The following RIMBP2 variants were observed in gnomAD, a reference collection of about 807,000 sequenced individuals.
The protein encoded by RIMBP2 is RIMS binding protein 2.
Under a neutral mutation model 118.6 loss-of-function variants are expected in RIMBP2, and 48 were observed. The observed-to-expected ratio is 0.40, with a 90% CI of 0.32 to 0.51. The LOEUF (loss-of-function observed/expected upper bound fraction) is 0.51. Among genes scored for constraint, RIMBP2 ranks in the 20% least tolerant of loss-of-function variants. The pLI, the probability that RIMBP2 is intolerant of heterozygous loss-of-function variation, is 0.41. For missense variants in RIMBP2, 1,551 were observed against 1,768.3 expected (o/e 0.88, Z 2.20); for synonymous variants, 762 against 742.9 (o/e 1.03, Z -0.42).
chr12:130,656,410 C>T (rs1447853059), intron 1 of RIMBP2, among the ~76,000 whole-genome samples: 1 of 152,184 alleles, frequency 6.6e-6, no homozygotes, highest in Non-Finnish European at 1.5e-5. Context: ...TTTCATGTCC[C>T]CTCTCCTGGG....
At chr12:130,493,117 G>C (rs1374871812) in intron 4 of RIMBP2, among the ~76,000 whole-genome samples, 1 of 152,020 alleles carries the variant, frequency 6.6e-6, no homozygotes, top group Non-Finnish European at 1.5e-5. Context: ...GCCTGGGTGA[G>C]AGAGTGAGAT....
chr12:130,536,290 C>T (rs2054079014), intron 2 of RIMBP2, among the ~76,000 whole-genome samples: 3 of 152,044 alleles, frequency 2.0e-5, no homozygotes, highest in African/African-American at 7.2e-5. Context: ...CCTGGTTATC[C>T]CTGGCCTCCT....
chr12:130,431,075 T>G lies in RIMBP2; in HGVS notation c.2254-2738A>C, dbSNP rs147972430. Among the ~76,000 whole-genome samples, 1,616 of 152,350 alleles carry G rather than the reference T, an allele frequency of 0.011. 29 individuals are homozygous for G. Among genetic ancestry groups the G allele is most frequent in the African/African-American group, 0.037 (1,532 of 41,568 alleles). ...TTGGTACAGTGAGCATTTCTCATTGTGGACTTAATGAAAATGCTTTTGTAA... is the reference window on the plus strand; with the variant it reads ...TTGGTACAGTGAGCATTTCTCATTGGGGACTTAATGAAAATGCTTTTGTAA... On this transcript the variant is annotated intron_variant, in intron 14 of 22. Transcript: ENST00000690449. The surrounding 1 kb of genome is among the most constrained non-coding windows in gnomAD (Gnocchi z 4.0).
intron 2 of RIMBP2, among the ~76,000 whole-genome samples, chr12:130,561,024 C>G (rs2056780631): frequency 6.6e-6 from 1 of 152,184 alleles, no homozygotes; most frequent in South Asian, 2.1e-4. Flanking sequence ...TGTGAGCACA[C>G]AGAGACAGAT....
In RIMBP2 at chr12:130,620,992, C is replaced by T. The variant is rs529461823; in HGVS notation, c.-217+7330G>A. On this transcript the variant is annotated intron_variant, in intron 2 of 22. Coordinates refer to ENST00000690449, the MANE Select transcript of RIMBP2 (RefSeq NM_001393629.1). This position sits in a 1 kb window ranked among gnomAD's most constrained non-coding sequence, Gnocchi z 5.3. ...TTGGCATGGTTACATTAGCCATGGGCGGGCGAGCAACCTGCCTTGAGATCT... is the reference window on the plus strand; with the variant it reads ...TTGGCATGGTTACATTAGCCATGGGTGGGCGAGCAACCTGCCTTGAGATCT... 5.1e-4 allele frequency among the ~76,000 whole-genome samples: 78 copies of T among 152,252 alleles called. No homozygotes were observed. Among genetic ancestry groups the T allele is most frequent in the East Asian group, 1.9e-3 (10 of 5,158 alleles).
chr12:130,688,742 C>A lies in RIMBP2; in HGVS notation c.-352+27480G>T, dbSNP rs552279409. ...CCCAAAACAGAGGCCACATGGCCCC[C>A]TTGGGGCTCATACAGAGACACAGAA... is the stretch of plus-strand genomic sequence containing the variant. On this transcript the variant is annotated intron_variant, in intron 1 of 22. Transcript: ENST00000690449. This position sits in a 1 kb window ranked among gnomAD's most constrained non-coding sequence, Gnocchi z 4.7. Among the ~76,000 whole-genome samples the A allele has an allele frequency of 6.6e-6, 1 of 152,210 alleles. No individual in the cohort carries two copies. The highest frequency in any genetic ancestry group is 1.5e-5 in the Non-Finnish European group (1 of 68,036).
chr12:130,664,465 A>ACACACACATGCACACACACACACACATG (rs74195662), intron 1 of RIMBP2, among the ~76,000 whole-genome samples: 1 of 122,634 alleles, frequency 8.2e-6, no homozygotes, highest in Non-Finnish European at 1.8e-5. Flanking sequence ...ATGCACGCAC[A>ACACACACATGCACACACACACACACATG]CACACGCACG....
intron 4 of RIMBP2, among the ~76,000 whole-genome samples, chr12:130,495,455 AG>A (rs2049059335): frequency 6.6e-6 from 1 of 152,172 alleles, no homozygotes; most frequent in South Asian, 2.1e-4. Context: ...AGACATGTGC[AG>A]GGTGCCCTGC....
At chr12:130,613,953 G>A (rs935649794) in intron 2 of RIMBP2, among the ~76,000 whole-genome samples, 1 of 152,174 alleles carries the variant, frequency 6.6e-6, no homozygotes, top group Non-Finnish European at 1.5e-5. Flanking sequence ...AGAGAGGGAG[G>A]GAGGCAGGTC....
At chr12:130,439,333 A>G (rs546899725) in intron 11 of RIMBP2, among the ~76,000 whole-genome samples, 82 of 144,468 alleles carry the variant, frequency 5.7e-4, no homozygotes, top group Non-Finnish European at 1.1e-3. Flanking sequence ...GTGTAAGTGT[A>G]TGTATGTGTG....
intron 2 of RIMBP2, among the ~76,000 whole-genome samples, chr12:130,542,334 C>T (rs929752058): frequency 6.6e-6 from 1 of 152,150 alleles, no homozygotes; most frequent in African/African-American, 2.4e-5. Context: ...AGGACCCCTA[C>T]ATATGCACAT....
At chr12:130,662,380 G>A (rs1381834510) in intron 1 of RIMBP2, among the ~76,000 whole-genome samples, 1 of 152,126 alleles carries the variant, frequency 6.6e-6, no homozygotes, top group Non-Finnish European at 1.5e-5. Context: ...TCTGGAGGCG[G>A]AGCGCGGTGG....
chr12:130,442,598 T>G lies in RIMBP2; in HGVS notation c.754A>C (p.Asn252His), dbSNP rs748466131. 1 of 1,614,186 alleles carries G rather than the reference T, an allele frequency of 6.2e-7. No individual in the cohort carries two copies. The highest frequency in any genetic ancestry group is 8.5e-7 in the Non-Finnish European group (1 of 1,180,014). ...PSNFVDFVQD[N>H]ESRLASTLGN... Reference sequence around the variant, plus strand: ...AGCGTGCTTGCCAACCGCGACTCGTTGTCCTGCACAAAGTCCACGAAGTTG... The same window carrying G: ...AGCGTGCTTGCCAACCGCGACTCGTGGTCCTGCACAAAGTCCACGAAGTTG... The change falls in exon 11 of 23, where the codon AAC becomes CAC. Residue 252 changes from asparagine to histidine, a missense_variant. By Grantham distance (68) the Asn-to-His change is moderately conservative (BLOSUM62 1). Transcript: ENST00000690449. This position sits in a 1 kb window ranked among gnomAD's most constrained non-coding sequence, Gnocchi z 6.9.
Position 130,456,663 on chromosome 12 carries a change from T to C in RIMBP2, c.191A>G (p.Gln64Arg), listed in dbSNP as rs767260129. The change falls in exon 7 of 23, where the codon CAA becomes CGA. Residue 64 changes from glutamine (Q) to arginine (R), a missense_variant. By Grantham distance (43) the Gln-to-Arg change is conservative. This residue lies in a region of RIMBP2 where 239 missense variants were observed against 256.8 expected (regional missense o/e 0.93). Transcript: ENST00000690449. ...GGACAGCAGGTTGAACTGCTCACTT[T>C]GAGTCCGGCATTTCTCTTCCAGCTC... Reference protein sequence around the residue: ...VRELEEKCRTQSEQFNLLSRD... With the variant: ...VRELEEKCRTRSEQFNLLSRD... 1 of 1,610,510 alleles carries C rather than the reference T, an allele frequency of 6.2e-7. No individual in the cohort carries two copies. The highest frequency in any genetic ancestry group is 8.5e-7 in the Non-Finnish European group (1 of 1,177,504).
At chr12:130,509,904 A>G (rs993516684) in intron 3 of RIMBP2, among the ~76,000 whole-genome samples, 2 of 152,224 alleles carry the variant, frequency 1.3e-5, no homozygotes, top group Admixed American at 6.5e-5. Flanking sequence ...GGCTCCCTAC[A>G]TAAGGAGTTT....
rs1427738879 is a variant in RIMBP2, at chr12:130,523,930, T to C, written c.-216-6013A>G. ...CCAGCACAAATACATAACAAAGGCA[T>C]GTAAGGGCACAGCAAGGTCTCTGGC... On this transcript the variant is annotated intron_variant, in intron 2 of 22. Transcript: ENST00000690449. This position sits in a 1 kb window ranked among gnomAD's most constrained non-coding sequence, Gnocchi z 4.4. Among the ~76,000 whole-genome samples the C allele has an allele frequency of 2.6e-5, 4 of 152,068 alleles. No homozygotes were observed. The highest frequency in any genetic ancestry group is 7.2e-5 in the African/African-American group (3 of 41,404).
intron 15 of RIMBP2, chr12:130,426,029 C>T (rs1382428928): frequency 2.0e-5 from 3 of 152,318 alleles, no homozygotes; most frequent in East Asian, 1.9e-4. Context: ...AATATTGGAG[C>T]GAATAAGGAC....
At chr12:130,421,689 ATATGTGTGTGTG>A (rs1222394775) in intron 17 of RIMBP2, among the ~76,000 whole-genome samples, 6 of 106,954 alleles carry the variant, frequency 5.6e-5, no homozygotes, top group Non-Finnish European at 1.0e-4. Flanking sequence ...CCCTGCATTT[ATATGTGTGTGTG>A]TGTGTGTGTG....
chr12:130,477,377 C>G (rs1417228614), intron 5 of RIMBP2, among the ~76,000 whole-genome samples: 1 of 152,212 alleles, frequency 6.6e-6, no homozygotes, highest in African/African-American at 2.4e-5. Context: ...ACGGTCCCCG[C>G]CTGGGGACGT....
Sources: allele counts gnomAD v4.1 joint callset (sites outside exome capture counted in the v4.1 genomes callset), GRCh38; gene constraint gnomAD v4.1.1; regional missense constraint gnomAD v4.1.1; non-coding constraint Gnocchi (gnomAD v3.1); transcripts MANE v1.5; gene names NCBI Gene and HGNC (gene_info 2026-07-23, HGNC 2026-07-21).